ATP10D: variants seen among roughly 807,000 people sequenced by gnomAD.
The protein encoded by ATP10D is ATPase phospholipid transporting 10D (putative).
ATP10D carries 89 observed loss-of-function variants against 144.8 expected under a neutral mutation model. The observed-to-expected ratio is 0.61, with a 90% CI of 0.52 to 0.73. The LOEUF (loss-of-function observed/expected upper bound fraction) is 0.73, where lower values mean the gene tolerates loss of function less well. Among genes scored for constraint, ATP10D ranks in the 30% least tolerant of loss-of-function variants. The probability of loss-of-function intolerance (pLI) is 0.00; values close to 1 mark genes in which losing one functional copy is unlikely to be tolerated. For missense variants in ATP10D, 1,603 were observed against 1,714.8 expected, an observed-to-expected ratio of 0.93 and a Z score of 1.15; for synonymous variants, 571 against 615.1, an observed-to-expected ratio of 0.93 and a Z score of 1.06.
At position 47,535,490 on chromosome 4, in the gene ATP10D, T is replaced by C. The variant is rs1401464018; in HGVS notation, c.777-19T>C. ...CTTTTGCTGTTTAAAAGTGAATTTA[T>C]ATGCTGTCTTTCTTATAGAGAACAT... On this transcript the variant is annotated intron_variant, in intron 5 of 22. Coordinates refer to ENST00000273859, the MANE Select transcript of ATP10D (RefSeq NM_020453.4). 6.3e-7 allele frequency: 1 copy of C among 1,586,636 alleles called. No individual in the cohort carries two copies. The highest frequency in any genetic ancestry group is 8.6e-7 in the Non-Finnish European group (1 of 1,164,876).
intron 5 of ATP10D, among the ~76,000 whole-genome samples, chr4:47,528,688 G>A (rs988159547): frequency 6.6e-6 from 1 of 151,856 alleles, no homozygotes; most frequent in Admixed American, 6.6e-5. Flanking sequence ...GGGATTGCTG[G>A]GACAAATGGT....
chr4:47,577,430 T>A (rs188854929), intron 19 of ATP10D, among the ~76,000 whole-genome samples: 7 of 152,320 alleles, frequency 4.6e-5, no homozygotes, highest in African/African-American at 1.7e-4. Flanking sequence ...TAGGTTATGT[T>A]TACTCTGAGT....
chr4:47,571,435 A>C (rs1719949571), intron 16 of ATP10D, among the ~76,000 whole-genome samples: 1 of 151,950 alleles, frequency 6.6e-6, no homozygotes, highest in African/African-American at 2.4e-5. Flanking sequence ...CAGGGAATAG[A>C]AGATGCTGAT....
At chr4:47,572,344 A>G (rs1577697960) in intron 17 of ATP10D, 114 bp downstream of exon 17, 1 of 876,956 alleles carries the variant, frequency 1.1e-6, no homozygotes, top group Non-Finnish European at 1.8e-6. Flanking sequence ...CTAGCTGAGG[A>G]GTGGGAGACA....
intron 18 of ATP10D, among the ~76,000 whole-genome samples, chr4:47,573,529 T>C (rs1430184577): frequency 6.6e-6 from 1 of 152,226 alleles, no homozygotes; most frequent in Admixed American, 6.5e-5. Flanking sequence ...TCAGTAGTTA[T>C]TTAATGATAA....
chr4:47,591,085 A>C lies in ATP10D; in HGVS notation c.3985A>C (p.Ile1329Leu). ...VLQGSLFPSP[I>L]LRAKHFDRLT... Reference sequence around the variant, plus strand: ...TCAGGGATCCCTGTTTCCATCTCCAATTCTGAGAGCTAAGCACTTTGACAG... The same window carrying C: ...TCAGGGATCCCTGTTTCCATCTCCACTTCTGAGAGCTAAGCACTTTGACAG... Residue 1329 changes from isoleucine to leucine, a missense_variant, in exon 23 of 23, where the codon ATT (isoleucine) becomes CTT (leucine). Ile to Leu is a conservative substitution (Grantham distance 5). Coordinates refer to ENST00000273859, the MANE Select transcript of ATP10D (RefSeq NM_020453.4). 1 of 1,612,430 alleles carries C rather than the reference A, an allele frequency of 6.2e-7. No homozygotes were observed.
intron 16 of ATP10D, 72 bp downstream of exon 16, chr4:47,569,218 T>G: frequency 6.7e-7 from 1 of 1,503,258 alleles, no homozygotes; most frequent in Non-Finnish European, 9.0e-7. Context: ...CTTCTGTCTC[T>G]TTCTTCTCCC....
chr4:47,490,318 T>C (rs989537236), intron 1 of ATP10D, among the ~76,000 whole-genome samples: 1 of 152,234 alleles, frequency 6.6e-6, no homozygotes, highest in African/African-American at 2.4e-5. Flanking sequence ...TCAACATTTC[T>C]GCCTTGCCAA....
Position 47,591,526 on chromosome 4 carries a change from T to C in ATP10D, c.*145T>C, listed in dbSNP as rs1721049168. 1 of 626,340 alleles carries C rather than the reference T, an allele frequency of 1.6e-6. No homozygotes were observed. Among genetic ancestry groups the C allele is most frequent in the Non-Finnish European group, 2.7e-6 (1 of 369,762 alleles). 38.8% of individuals were successfully genotyped at this position (626,340 alleles called of 1,614,324 possible). On this transcript the variant is annotated 3_prime_UTR_variant, in exon 23 of 23. Transcript: ENST00000273859. ...GGAAGAGCTGACATGATGAGCATTA[T>C]TGTATGTTTGTATATACATTTGTGA...
chr4:47,546,723 C>G lies in ATP10D; in HGVS notation c.1496C>G (p.Pro499Arg), dbSNP rs1359722592. Residue 499 changes from proline to arginine, a missense_variant, in exon 10 of 23, where the codon CCC becomes CGC. Pro to Arg is a moderately radical substitution (Grantham distance 103, BLOSUM62 -2). Coordinates refer to ENST00000273859, the MANE Select transcript of ATP10D (RefSeq NM_020453.4). ...SLSNMAKPRAPSCRTVHNGPL... is the reference protein window; with the variant it reads ...SLSNMAKPRARSCRTVHNGPL... ...AGCAATATGGCAAAACCGAGAGCCC[C>G]CAGCTGCAGGACAGTTCATAATGGG... 1 of 1,614,106 alleles carries G rather than the reference C, an allele frequency of 6.2e-7. No individual in the cohort carries two copies. Among genetic ancestry groups the G allele is most frequent in the East Asian group, 2.2e-5 (1 of 44,876 alleles).
In ATP10D at chr4:47,592,220, C is replaced by G. The variant is rs1721082790; in HGVS notation, c.*839C>G. On this transcript the variant is annotated 3_prime_UTR_variant, in exon 23 of 23. Transcript: ENST00000273859. ...AGCCTGTGGCCCATTGGGTGATTTC[C>G]TGTATTTTAAAACTGACAGTAGCCT... 6.6e-6 allele frequency: 1 copy of G among 152,530 alleles called. No homozygotes were observed. The highest frequency in any genetic ancestry group is 6.6e-5 in the Admixed American group (1 of 15,252). 9.4% of individuals were successfully genotyped at this position (152,530 alleles called of 1,614,324 possible).
At chr4:47,505,825 C>A (rs1715990477) in intron 1 of ATP10D, among the ~76,000 whole-genome samples, 1 of 151,928 alleles carries the variant, frequency 6.6e-6, no homozygotes, top group Non-Finnish European at 1.5e-5. Flanking sequence ...AAACATAGGG[C>A]ATCTTGAAAT....
intron 10 of ATP10D, among the ~76,000 whole-genome samples, chr4:47,553,165 A>G (rs1403813682): frequency 6.6e-6 from 1 of 152,188 alleles, no homozygotes; most frequent in Non-Finnish European, 1.5e-5. Context: ...CTCCAACTTT[A>G]CCACTTTCTT....
At chr4:47,554,952 C>T (rs753995345) in intron 11 of ATP10D, 38 bp downstream of exon 11, 2 of 1,575,154 alleles carry the variant, frequency 1.3e-6, no homozygotes, top group South Asian at 2.3e-5. Context: ...GGTCACTTTC[C>T]AGAAGAGAAT....
intron 1 of ATP10D, chr4:47,491,250 G>A: frequency 1.2e-6 from 1 of 802,400 alleles, no homozygotes; most frequent in Non-Finnish European, 2.2e-6. Context: ...AATGCCAACA[G>A]CACGCTGGGG....
At chr4:47,550,464 A>G (rs762155987) in intron 10 of ATP10D, among the ~76,000 whole-genome samples, 1 of 152,094 alleles carries the variant, frequency 6.6e-6, no homozygotes, top group Non-Finnish European at 1.5e-5. Flanking sequence ...TGTGAAATCT[A>G]CAACTTAGTA....
In ATP10D at chr4:47,535,528, C is replaced by T. The variant is rs762815957; in HGVS notation, c.796C>T (p.Arg266Cys). 133 of 1,611,662 alleles carry T rather than the reference C, an allele frequency of 8.3e-5. No individual in the cohort carries two copies. In the South Asian group the frequency reaches 1.0e-3, roughly 12 times the overall value. ...TTATAGAGAACATTCCAACAAAGAA[C>T]GCGTGGGTCTCAGTAAAGAAAATTT... ...RGFLEHSNKE[R>C]VGLSKENLLL... Residue 266 changes from arginine to cysteine, a missense_variant, in exon 6 of 23, where the codon CGC (arginine) becomes TGC (cysteine). Arg to Cys is a radical substitution (Grantham distance 180). Coordinates refer to ENST00000273859, the MANE Select transcript of ATP10D (RefSeq NM_020453.4).
chr4:47,492,978 A>G (rs938055318), intron 1 of ATP10D, among the ~76,000 whole-genome samples: 1 of 152,154 alleles, frequency 6.6e-6, no homozygotes, highest in Non-Finnish European at 1.5e-5. Flanking sequence ...TAGTCTATTG[A>G]TATAATCTTT....
rs1577678685 is a variant in ATP10D at position 47,554,829 on chromosome 4, A to G, written c.1739A>G (p.Glu580Gly). Residue 580 changes from glutamate (E) to glycine (G), a missense_variant, in exon 11 of 23, where the codon GAA becomes GGA. Physicochemically the swap from Glu to Gly is moderately conservative, Grantham distance 98. Transcript: ENST00000273859. The stretch of plus-strand genomic sequence containing the variant: ...GAGACCATCCAAAATCCACCAATGG[A>G]AACTTTGTACATTATCGACTTTTTC... ...LDETIQNPPM[E>G]TLYIIDFFIA... The G allele has an allele frequency of 6.2e-7, 1 of 1,614,168 alleles. No individual in the cohort carries two copies. Among genetic ancestry groups the G allele is most frequent in the East Asian group, 2.2e-5 (1 of 44,876 alleles).
Sources: allele counts gnomAD v4.1 joint callset (sites outside exome capture counted in the v4.1 genomes callset), GRCh38; gene constraint gnomAD v4.1.1; transcripts MANE v1.5; gene names NCBI Gene and HGNC (gene_info 2026-07-23, HGNC 2026-07-21).